The following MYO18B variants were observed in gnomAD, a reference collection of about 807,000 sequenced individuals.
MYO18B encodes myosin XVIIIB, also known as unconventional myosin-XVIIIb.
A neutral mutation model predicts 273.0 loss-of-function variants in MYO18B; 204 were observed. The observed-to-expected ratio is 0.75, with a 90% CI of 0.67 to 0.84. The LOEUF (loss-of-function observed/expected upper bound fraction) is 0.84, where lower values mean the gene tolerates loss of function less well. Ranked by LOEUF, MYO18B falls within the 40% of genes least tolerant of loss-of-function variation. The probability of loss-of-function intolerance (pLI) is 0.00; values close to 1 mark genes in which losing one functional copy is unlikely to be tolerated. For synonymous variants in MYO18B, 1,330 were observed against 1,305.7 expected (o/e 1.02, Z -0.40); for missense variants, 3,212 against 3,287.6 (o/e 0.98, Z 0.56).
rs9613067 is a variant in MYO18B at position 25,992,582 on chromosome 22, A to G, written c.6287+89A>G. The G allele has an allele frequency of 0.24, 377,284 of 1,552,000 alleles. 50,165 individuals are homozygous for G. The highest frequency in any genetic ancestry group is 0.28 in the Non-Finnish European group (317,008 of 1,139,414). On this transcript the variant is annotated intron_variant, in intron 40 of 43. Transcript: ENST00000335473. ...TGCCCTTTAGCCGGGCTGGGGCCACATTCACTGGGAAACCCAAAGATGTTC... is the reference window on the plus strand; with the variant it reads ...TGCCCTTTAGCCGGGCTGGGGCCACGTTCACTGGGAAACCCAAAGATGTTC...
At chr22:25,787,288 A>G (rs937755275) in intron 11 of MYO18B, among the ~76,000 whole-genome samples, 105 of 78,726 alleles carry the variant, frequency 1.3e-3, no homozygotes, top group African/African-American at 4.6e-3. Flanking sequence ...ACACACACAC[A>G]CACACACACA....
At chr22:25,897,995 CAG>C (rs1456500575) in intron 28 of MYO18B, 1 of 285,014 alleles carries the variant, frequency 3.5e-6, no homozygotes, top group Non-Finnish European at 6.6e-6. Flanking sequence ...TCCGGTGGCT[CAG>C]GGGTCATCAA....
In MYO18B at chr22:25,890,740, C is replaced by T. The variant is rs781365234; in HGVS notation, c.4315-16C>T. The T allele has an allele frequency of 9.9e-6, 16 of 1,613,526 alleles. No individual in the cohort carries two copies. In the South Asian group the frequency reaches 1.6e-4, roughly 17 times the overall value. On this transcript the variant is annotated splice_polypyrimidine_tract_variant and intron_variant, in intron 25 of 43. Transcript: ENST00000335473. ...ATCGAGTGACCGTTCCTTGATCACC[C>T]CATTCCCCATCTCAGATTGCTGACT...
At chr22:26,038,808 C>T in the MYO18B span, among the ~76,000 whole-genome samples, 1 of 152,172 alleles carries the variant, frequency 6.6e-6, no homozygotes, top group Non-Finnish European at 1.5e-5. Context: ...TCCTTCTCCC[C>T]TTAGTCTCTC....
At chr22:26,048,520 A>C in the MYO18B span, among the ~76,000 whole-genome samples, 1 of 152,166 alleles carries the variant, frequency 6.6e-6, no homozygotes, top group African/African-American at 2.4e-5. Context: ...GTCTTTCTCC[A>C]TCAGCAGAAA....
intron 9 of MYO18B, among the ~76,000 whole-genome samples, 179 bp downstream of exon 9, chr22:25,780,377 G>A (rs1187763075): frequency 6.6e-6 from 1 of 151,894 alleles, no homozygotes; most frequent in Non-Finnish European, 1.5e-5. Context: ...GATCACCTGA[G>A]GTCTGGGGTT....
intron 10 of MYO18B, 74 bp from the exon 11 acceptor site, chr22:25,785,354 C>G (rs1294835688): frequency 3.4e-6 from 5 of 1,460,384 alleles, no homozygotes; most frequent in Non-Finnish European, 3.8e-6. Context: ...GAGCCTCACA[C>G]TGTGACGACC....
chr22:25,853,595 A>G (rs545254605), intron 21 of MYO18B, among the ~76,000 whole-genome samples: 14 of 152,250 alleles, frequency 9.2e-5, no homozygotes, highest in African/African-American at 3.1e-4. Flanking sequence ...AGAGGGGCTG[A>G]ATGGAGCCAC....
At chr22:25,982,732 A>G (rs2093162276) in intron 39 of MYO18B, among the ~76,000 whole-genome samples, 2 of 152,164 alleles carry the variant, frequency 1.3e-5, no homozygotes, top group South Asian at 2.1e-4. Flanking sequence ...TGAGTATTTT[A>G]GGGACTACCT....
At chr22:25,916,026 G>A (rs554513565) in intron 33 of MYO18B, among the ~76,000 whole-genome samples, 11 of 152,216 alleles carry the variant, frequency 7.2e-5, no homozygotes, top group African/African-American at 2.6e-4. Flanking sequence ...AATCATAATT[G>A]AACACAAATT....
chr22:25,949,637 C>T (rs9613049), intron 36 of MYO18B, among the ~76,000 whole-genome samples: 29,777 of 152,142 alleles, frequency 0.2, 3,128 homozygotes, highest in African/African-American at 0.28. Flanking sequence ...ATGATATCAT[C>T]CACATGGTAA....
intron 17 of MYO18B, among the ~76,000 whole-genome samples, chr22:25,842,142 A>G (rs1458522507): frequency 6.6e-6 from 1 of 152,216 alleles, no homozygotes; most frequent in Non-Finnish European, 1.5e-5. Flanking sequence ...CTTTACTCCT[A>G]CAAAGGCTCA....
At chr22:26,056,431 A>T in the MYO18B span, among the ~76,000 whole-genome samples, 2 of 152,220 alleles carry the variant, frequency 1.3e-5, no homozygotes, top group Non-Finnish European at 2.9e-5. Context: ...ACTAGAACCC[A>T]GGTATCCTCA....
chr22:25,795,115 G>A (rs1378077916), intron 11 of MYO18B, among the ~76,000 whole-genome samples: 3 of 152,172 alleles, frequency 2.0e-5, no homozygotes, highest in Non-Finnish European at 4.4e-5. Context: ...GCTGTGTAGT[G>A]CTCCATCGCT....
Position 25,946,268 on chromosome 22 carries a change from C to T in MYO18B, c.5631+18C>T. The T allele has an allele frequency of 6.5e-7, 1 of 1,535,234 alleles. No homozygotes were observed. Among genetic ancestry groups the T allele is most frequent in the Non-Finnish European group, 8.8e-7 (1 of 1,132,904 alleles). On this transcript the variant is annotated intron_variant, in intron 35 of 43. Coordinates refer to ENST00000335473, the MANE Select transcript of MYO18B (RefSeq NM_032608.7). ...AGAGCCTGGTACCTGTCCCTTCCTG[C>T]AGCTGCAGGGACCTGGGCCAGCATA...
intron 11 of MYO18B, among the ~76,000 whole-genome samples, chr22:25,788,882 C>G (rs2087514501): frequency 1.3e-5 from 2 of 152,176 alleles, no homozygotes; most frequent in African/African-American, 2.4e-5. Context: ...TGGCCTTAAG[C>G]AAGTGACCTC....
intron 22 of MYO18B, among the ~76,000 whole-genome samples, chr22:25,870,651 A>C (rs1184685742): frequency 1.3e-5 from 2 of 152,188 alleles, no homozygotes; most frequent in Non-Finnish European, 2.9e-5. Flanking sequence ...CAGGAACTTC[A>C]TCCTTCTAGA....
intron 14 of MYO18B, among the ~76,000 whole-genome samples, chr22:25,827,827 C>A (rs1481755960): frequency 1.3e-5 from 2 of 152,200 alleles, no homozygotes; most frequent in Non-Finnish European, 2.9e-5. Context: ...GGTTTGGGTT[C>A]TCAGAGGCCA....
At chr22:25,902,896 A>C in intron 30 of MYO18B, 160 bp downstream of exon 30, 3 of 774,560 alleles carry the variant, frequency 3.9e-6, no homozygotes, top group Non-Finnish European at 6.0e-6. Context: ...AAAATAGCAA[A>C]TGGTGGCTGG....
Sources: allele counts gnomAD v4.1 joint callset (sites outside exome capture counted in the v4.1 genomes callset), GRCh38; gene constraint gnomAD v4.1.1; transcripts MANE v1.5; gene names NCBI Gene and HGNC (gene_info 2026-07-23, HGNC 2026-07-21).